The following APOLD1 variants were observed in gnomAD, a reference collection of about 807,000 sequenced individuals.
APOLD1 encodes the protein apolipoprotein L domain containing 1, also known as apolipoprotein L domain-containing protein 1.
APOLD1 carries 22 observed loss-of-function variants against 15.3 expected under a neutral mutation model. That is an observed-to-expected ratio of 1.44 (90% CI 1.03 to 2.05). The LOEUF (loss-of-function observed/expected upper bound fraction) is 2.05, where lower values mean the gene tolerates loss of function less well. Among genes scored for constraint, APOLD1 ranks in the 30% most tolerant of loss-of-function variants. The pLI, the probability that APOLD1 is intolerant of heterozygous loss-of-function variation, is 0.00. For missense variants in APOLD1, 394 were observed against 353.5 expected, an observed-to-expected ratio of 1.11 and a Z score of -0.92; for synonymous variants, 190 against 167.4, an observed-to-expected ratio of 1.13 and a Z score of -1.04.
intron 1 of APOLD1, among the ~76,000 whole-genome samples, chr12:12,766,368 G>A (rs895259594): frequency 2.0e-5 from 3 of 152,216 alleles, no homozygotes; most frequent in Non-Finnish European, 4.4e-5. Context: ...TGGAGATAAA[G>A]AGATGTTGTC....
chr12:12,766,774 G>A (rs770911367), intron 1 of APOLD1, among the ~76,000 whole-genome samples: 33 of 152,196 alleles, frequency 2.2e-4, no homozygotes, highest in Non-Finnish European at 4.0e-4. Context: ...GCTTGAACCC[G>A]GGAGGTGGAG....
At chr12:12,754,907 C>G (rs1166201336) in intron 1 of APOLD1, among the ~76,000 whole-genome samples, 2 of 148,628 alleles carry the variant, frequency 1.3e-5, no homozygotes, top group African/African-American at 5.0e-5. Flanking sequence ...ATTAGCCAAG[C>G]ATGGTGGCAC....
chr12:12,739,636 G>A (rs1453601115), intron 1 of APOLD1, among the ~76,000 whole-genome samples: 1 of 152,104 alleles, frequency 6.6e-6, no homozygotes, highest in Non-Finnish European at 1.5e-5. Context: ...ATCACATTGA[G>A]TAATGGCTAT....
intron 1 of APOLD1, among the ~76,000 whole-genome samples, chr12:12,765,674 C>A (rs1434911902): frequency 6.6e-6 from 1 of 152,142 alleles, no homozygotes; most frequent in Admixed American, 6.6e-5. Flanking sequence ...AATTCAAGAC[C>A]AGCCTGGGCA....
At chr12:12,786,497 GGCTTT>G (rs1303818715) in intron 1 of APOLD1, among the ~76,000 whole-genome samples, 1 of 151,994 alleles carries the variant, frequency 6.6e-6, no homozygotes, top group Non-Finnish European at 1.5e-5. Flanking sequence ...ATGATGAAAG[GGCTTT>G]GTAAACTGTA....
At chr12:12,774,221 C>T (rs1346215508) in intron 1 of APOLD1, among the ~76,000 whole-genome samples, 1 of 151,932 alleles carries the variant, frequency 6.6e-6, no homozygotes, top group Non-Finnish European at 1.5e-5. Context: ...CCAAAATATA[C>T]AAAGAACTCT....
At chr12:12,733,759 C>T (rs1273859159) in intron 1 of APOLD1, among the ~76,000 whole-genome samples, 3 of 152,102 alleles carry the variant, frequency 2.0e-5, no homozygotes, top group Non-Finnish European at 4.4e-5. Flanking sequence ...AGTGCCACCA[C>T]ACCCAGCTAA....
At chr12:12,737,669 A>G (rs1946699336) in intron 1 of APOLD1, among the ~76,000 whole-genome samples, 1 of 152,194 alleles carries the variant, frequency 6.6e-6, no homozygotes, top group Non-Finnish European at 1.5e-5. Context: ...GTACTGATAG[A>G]AAGTGAGAAG....
chr12:12,778,415 G>T (rs1419860662), intron 1 of APOLD1, among the ~76,000 whole-genome samples: 1 of 151,706 alleles, frequency 6.6e-6, no homozygotes, highest in African/African-American at 2.4e-5. Flanking sequence ...GCCCTCCTAG[G>T]CTCAAGCACT....
chr12:12,779,335 C>G (rs1947062004), intron 1 of APOLD1, among the ~76,000 whole-genome samples: 1 of 152,080 alleles, frequency 6.6e-6, no homozygotes, highest in Non-Finnish European at 1.5e-5. Context: ...AGGGCAGGGA[C>G]TATATCTTAT....
At chr12:12,731,491 C>G (rs1946641463) in intron 1 of APOLD1, among the ~76,000 whole-genome samples, 1 of 152,180 alleles carries the variant, frequency 6.6e-6, no homozygotes, top group Non-Finnish European at 1.5e-5. Flanking sequence ...CACCCACATA[C>G]ATATGCAATG....
At chr12:12,726,408 T>A in intron 1 of APOLD1, 1 of 442,660 alleles carries the variant, frequency 2.3e-6, no homozygotes, top group Non-Finnish European at 4.3e-6. Context: ...GTGTGTACGT[T>A]AAGATTTAGG....
upstream of APOLD1, among the ~76,000 whole-genome samples, chr12:12,782,726 A>C (rs1006456644): frequency 1.3e-5 from 2 of 152,220 alleles, no homozygotes; most frequent in Non-Finnish European, 2.9e-5. Flanking sequence ...TTTGAAGGCC[A>C]ACTACCATTT....
Position 12,787,413 on chromosome 12 carries a change from A to G in APOLD1, c.508A>G (p.Ile170Val). 1 of 1,614,172 alleles carries G rather than the reference A, an allele frequency of 6.2e-7. No individual in the cohort carries two copies. The highest frequency in any genetic ancestry group is 8.5e-7 in the Non-Finnish European group (1 of 1,180,022). The change falls in exon 2 of 2, where the codon ATC becomes GTC. Residue 170 changes from isoleucine (I) to valine (V), a missense_variant. Transcript: ENST00000356591. The surrounding 1 kb of genome is among the most constrained non-coding windows in gnomAD (Gnocchi z 4.9). ...CGCCCTGTACAATTCTGTCTACTTC[A>G]TCGTCTTCTTTGGCTCACGTGGCTT... ...SIALYNSVYF[I>V]VFFGSRGFLI...
At chr12:12,785,623 T>C, upstream of APOLD1, 1 of 1,614,104 alleles carries the variant, frequency 6.2e-7, no homozygotes, top group South Asian at 1.1e-5. Context: ...ATTGGTTCTC[T>C]GGAACTATAA....
chr12:12,737,139 G>T (rs1322554645), intron 1 of APOLD1, among the ~76,000 whole-genome samples: 1 of 152,116 alleles, frequency 6.6e-6, no homozygotes, highest in Non-Finnish European at 1.5e-5. Context: ...TTCAGTATTC[G>T]AAGATGTTTT....
At chr12:12,749,737 AT>A (rs1371542115) in intron 1 of APOLD1, among the ~76,000 whole-genome samples, 1 of 152,128 alleles carries the variant, frequency 6.6e-6, no homozygotes, top group African/African-American at 2.4e-5. Flanking sequence ...ACCCAACAGA[AT>A]TCTGTAACCC....
At chr12:12,774,546 C>CAAAAAAAAAAAAAAAAAAAAA (rs57343706) in intron 1 of APOLD1, among the ~76,000 whole-genome samples, 4 of 42,288 alleles carry the variant, frequency 9.5e-5, no homozygotes, top group Non-Finnish European at 1.3e-4. Context: ...ACTCTAACTC[C>CAAAAAAAAAAAAAAAAAAAAA]AAAAAAAAAA....
At chr12:12,747,541 G>T (rs777083105) in intron 1 of APOLD1, among the ~76,000 whole-genome samples, 10 of 152,200 alleles carry the variant, frequency 6.6e-5, no homozygotes, top group Non-Finnish European at 1.2e-4. Context: ...CTTTGGACCA[G>T]AACTGCTAGA....
Sources: gnomAD v4.1 joint callset for allele counts (sites outside exome capture counted in the v4.1 genomes callset) on GRCh38, gnomAD v4.1.1 for gene constraint, Gnocchi (gnomAD v3.1) non-coding constraint, MANE v1.5 for transcripts, NCBI Gene and HGNC (gene_info 2026-07-23, HGNC 2026-07-21) for gene names.